Variants in GNB1L observed in about 807,000 individuals in gnomAD.
GNB1L encodes guanine nucleotide-binding protein subunit beta-like protein 1.
A neutral mutation model predicts 29.1 loss-of-function variants in GNB1L; 20 were observed. The ratio of observed to expected loss-of-function variants is 0.69; its 90% confidence interval spans 0.48 to 1.00. GNB1L has a LOEUF of 1.00. Among genes scored for constraint, GNB1L ranks in the 50% least tolerant of loss-of-function variants. The pLI is 0.00. For synonymous variants in GNB1L, 193 were observed against 206.5 expected, an observed-to-expected ratio of 0.93 and a Z score of 0.56; for missense variants, 421 against 464.9, an observed-to-expected ratio of 0.91 and a Z score of 0.87.
chr22:19,802,836 G>A (rs1482619406), intron 6 of GNB1L, among the ~76,000 whole-genome samples: 3 of 152,236 alleles, frequency 2.0e-5, no homozygotes, highest in African/African-American at 2.4e-5. Context: ...GAATGAGGGC[G>A]CGGGTCAGAG....
chr22:19,851,571 G>A (rs773569158), intron 2 of GNB1L: 9 of 1,609,690 alleles, frequency 5.6e-6, no homozygotes, highest in South Asian at 1.1e-5. Flanking sequence ...AAAGACCTGG[G>A]GGCAGTACCC....
chr22:19,835,883 T>C (rs1937757593), intron 2 of GNB1L, among the ~76,000 whole-genome samples: 2 of 152,070 alleles, frequency 1.3e-5, no homozygotes, highest in African/African-American at 2.4e-5. Flanking sequence ...AAACACCACA[T>C]ATCAAAACGT....
chr22:19,824,270 C>T (rs1159802314), intron 2 of GNB1L, among the ~76,000 whole-genome samples: 4 of 151,912 alleles, frequency 2.6e-5, no homozygotes, highest in Non-Finnish European at 4.4e-5. Flanking sequence ...TCTAATTATT[C>T]TTTATTAATC....
chr22:19,849,314 T>A (rs1341843416), intron 2 of GNB1L: 1 of 978,172 alleles, frequency 1.0e-6, no homozygotes, highest in East Asian at 1.1e-4. Flanking sequence ...TAGTGATAGT[T>A]ACCATAAAAT....
chr22:19,789,271 A>G (rs2073769), intron 7 of GNB1L, among the ~76,000 whole-genome samples: 55,246 of 151,972 alleles, frequency 0.36, 10,397 homozygotes, highest in East Asian at 0.57. Context: ...GGGTCCCGGG[A>G]CCCCTCACCC....
At chr22:19,790,256 C>A (rs560911956) in intron 7 of GNB1L, among the ~76,000 whole-genome samples, 1 of 152,072 alleles carries the variant, frequency 6.6e-6, no homozygotes, top group African/African-American at 2.4e-5. Context: ...ATGGGGATTA[C>A]GGCTATGGAA....
chr22:19,849,417 G>A, intron 2 of GNB1L: 1 of 525,322 alleles, frequency 1.9e-6, no homozygotes, highest in Non-Finnish European at 2.4e-6. Flanking sequence ...TGTCCAGGCT[G>A]GAGTGCAATG....
intron 6 of GNB1L, among the ~76,000 whole-genome samples, chr22:19,805,097 C>A (rs568376208): frequency 1.1e-4 from 17 of 152,270 alleles, no homozygotes; most frequent in African/African-American, 2.6e-4. Flanking sequence ...CCTGCTGGCA[C>A]CGAGTTTCAT....
chr22:19,842,224 G>A (rs1027088431), intron 2 of GNB1L, among the ~76,000 whole-genome samples: 2 of 152,226 alleles, frequency 1.3e-5, no homozygotes, highest in Admixed American at 1.3e-4. Flanking sequence ...CTCCCAAAAA[G>A]CCTCACACAC....
chr22:19,793,515 A>G (rs747893015), intron 7 of GNB1L, among the ~76,000 whole-genome samples: 17 of 152,212 alleles, frequency 1.1e-4, no homozygotes, highest in Non-Finnish European at 2.5e-4. Flanking sequence ...GTCAAGAAGA[A>G]ACAGTGGCTG....
In GNB1L at chr22:19,825,007, G is replaced by A. The variant is rs1172602376; in HGVS notation, c.-20-3632C>T. ...TGTGGAAATCAGCAAAGAGTACCAC[G>A]AAGTGAGCCAACGTGGGGAGCCACC... On this transcript the variant is annotated intron_variant, in intron 2 of 7. Transcript: ENST00000329517. Among the ~76,000 whole-genome samples the A allele has an allele frequency of 2.0e-5, 3 of 152,174 alleles. No homozygotes were observed. The East Asian group carries it at 5.8e-4, about 29-fold the overall frequency.
intron 2 of GNB1L, among the ~76,000 whole-genome samples, chr22:19,823,638 A>G (rs745477218): frequency 6.6e-5 from 10 of 152,192 alleles, no homozygotes; most frequent in Non-Finnish European, 1.3e-4. Flanking sequence ...AGAGCCTGAC[A>G]GGTCACCTCT....
intron 6 of GNB1L, among the ~76,000 whole-genome samples, chr22:19,803,367 T>C (rs1222428321): frequency 6.6e-6 from 1 of 152,080 alleles, no homozygotes; most frequent in African/African-American, 2.4e-5. Context: ...CAGTGTGTCT[T>C]CTCCCGGGGC....
At chr22:19,807,652 C>T (rs573798377) in intron 5 of GNB1L, among the ~76,000 whole-genome samples, 5 of 152,342 alleles carry the variant, frequency 3.3e-5, no homozygotes, top group African/African-American at 7.2e-5. Flanking sequence ...GCCTGGCATA[C>T]ATGGGGCATC....
chr22:19,831,356 C>T (rs1045544230), intron 2 of GNB1L, among the ~76,000 whole-genome samples: 10 of 139,108 alleles, frequency 7.2e-5, no homozygotes, highest in African/African-American at 2.5e-4. Context: ...GAAAGTAAGA[C>T]TCTATCTAAA....
intron 2 of GNB1L, among the ~76,000 whole-genome samples, chr22:19,834,802 A>G (rs553105565): frequency 3.3e-5 from 5 of 152,182 alleles, no homozygotes; most frequent in Admixed American, 2.0e-4. Context: ...AAAAAAAAGA[A>G]GAGAAGAAAA....
At chr22:19,823,045 G>A (rs1300583274) in intron 2 of GNB1L, among the ~76,000 whole-genome samples, 3 of 152,156 alleles carry the variant, frequency 2.0e-5, no homozygotes, top group South Asian at 2.1e-4. Context: ...GGGAGGGGCC[G>A]GGCAGTGACT....
rs1008352115 is a variant in GNB1L, at chr22:19,854,852, G to A, written c.-150C>T. On this transcript the variant is annotated 5_prime_UTR_variant, in exon 1 of 8. Coordinates refer to ENST00000329517, the MANE Select transcript of GNB1L (RefSeq NM_053004.3). The stretch of plus-strand genomic sequence containing the variant: ...CCGGAGTCGGGAACGCCTGCTCCTA[G>A]GAGCGCCGCGCAGCGTCCAGAGACC... The A allele has an allele frequency of 6.6e-6, 1 of 152,388 alleles. No homozygotes were observed. The highest frequency in any genetic ancestry group is 2.1e-4 in the South Asian group (1 of 4,834). The allele number at this position is 152,388 out of a possible 1,614,324, so 9.4% of individuals were successfully genotyped here. A position where few individuals can be genotyped will look rare whatever the true frequency, so the allele number is the denominator to read the frequency against.
chr22:19,796,799 G>A (rs1376561977), intron 7 of GNB1L, among the ~76,000 whole-genome samples: 1 of 152,170 alleles, frequency 6.6e-6, no homozygotes, highest in Admixed American at 6.5e-5. Flanking sequence ...CTGTGCACCT[G>A]ACCCCAGGCA....
Sources: gnomAD v4.1 joint callset for allele counts (sites outside exome capture counted in the v4.1 genomes callset) on GRCh38, gnomAD v4.1.1 for gene constraint, MANE v1.5 for transcripts, NCBI Gene and HGNC (gene_info 2026-07-23, HGNC 2026-07-21) for gene names.